The following CDH12 variants were observed in gnomAD, a reference collection of about 807,000 sequenced individuals.
CDH12 encodes the protein cadherin-12.
In CDH12, 41 loss-of-function variants were observed where a neutral mutation model predicts 74.1. That is an observed-to-expected ratio of 0.55 (90% confidence interval 0.43 to 0.72). The LOEUF is 0.72. Among genes scored for constraint, CDH12 ranks in the 30% least tolerant of loss-of-function variants. The pLI, the probability that CDH12 is intolerant of heterozygous loss-of-function variation, is 0.00. For missense variants in CDH12, 945 were observed against 977.2 expected (o/e 0.97, Z 0.44); for synonymous variants, 399 against 355.0 (o/e 1.12, Z -1.39).
At chr5:22,360,582 C>T (rs775976557) in intron 3 of CDH12, among the ~76,000 whole-genome samples, 12 of 151,986 alleles carry the variant, frequency 7.9e-5, no homozygotes, top group South Asian at 2.1e-4. Context: ...CATTTTATGA[C>T]GCCAGCATCA....
At position 22,028,779 on chromosome 5, in the gene CDH12, A is replaced by G. The variant is rs188181489; in HGVS notation, c.231+49667T>C. Among the ~76,000 whole-genome samples, 132 of 152,302 alleles carry G rather than the reference A, an allele frequency of 8.7e-4. No individual in the cohort carries two copies. In the East Asian group the frequency reaches 0.018, roughly 21 times the overall value. ...AAAACTACTTTAAAGTTCATATGGA[A>G]CCAAAAAAGAGCCCGCATCATCAAG... On this transcript the variant is annotated intron_variant, in intron 5 of 14. Transcript: ENST00000382254.
chr5:22,851,019 T>C (rs1737530353), intron 1 of CDH12, among the ~76,000 whole-genome samples: 1 of 152,102 alleles, frequency 6.6e-6, no homozygotes, highest in Non-Finnish European at 1.5e-5. Context: ...CAAAAGATGC[T>C]CAATTTAAGG....
At chr5:22,220,218 G>T (rs1036685971) in intron 3 of CDH12, among the ~76,000 whole-genome samples, 1 of 151,690 alleles carries the variant, frequency 6.6e-6, no homozygotes, top group Non-Finnish European at 1.5e-5. Context: ...TTGTACATGC[G>T]TATGTGTGTG....
intron 1 of CDH12, among the ~76,000 whole-genome samples, chr5:22,725,156 C>T (rs1369893561): frequency 6.6e-6 from 1 of 151,856 alleles, no homozygotes; most frequent in Non-Finnish European, 1.5e-5. Flanking sequence ...TATGACATCA[C>T]ACCTAAATTC....
intron 1 of CDH12, among the ~76,000 whole-genome samples, chr5:22,572,814 G>T (rs1739605152): frequency 6.6e-6 from 1 of 152,074 alleles, no homozygotes; most frequent in South Asian, 2.1e-4. Context: ...TCTATTAAAA[G>T]CACCTTTAGA....
intron 2 of CDH12, among the ~76,000 whole-genome samples, chr5:22,456,696 T>C (rs1745290244): frequency 6.6e-6 from 1 of 152,172 alleles, no homozygotes; most frequent in Non-Finnish European, 1.5e-5. Context: ...TATAATGATA[T>C]TCATAATATA....
At chr5:21,941,478 T>C (rs1755326540) in intron 6 of CDH12, among the ~76,000 whole-genome samples, 1 of 151,956 alleles carries the variant, frequency 6.6e-6, no homozygotes, top group Non-Finnish European at 1.5e-5. Context: ...ATAAATAATT[T>C]GTCAATTTAT....
At chr5:21,982,819 C>T (rs964298712) in intron 5 of CDH12, among the ~76,000 whole-genome samples, 1 of 151,516 alleles carries the variant, frequency 6.6e-6, no homozygotes, top group African/African-American at 2.4e-5. Flanking sequence ...GTTTTATTAC[C>T]AAATAATTTG....
intron 2 of CDH12, among the ~76,000 whole-genome samples, chr5:22,461,302 G>A (rs181088353): frequency 1.2e-3 from 175 of 151,806 alleles, no homozygotes; most frequent in Middle Eastern, 0.01. Flanking sequence ...GGGATTGCAG[G>A]CCTGAGGCAC....
chr5:22,328,818 A>G (rs1016246680), intron 3 of CDH12, among the ~76,000 whole-genome samples: 2 of 152,212 alleles, frequency 1.3e-5, no homozygotes, highest in Non-Finnish European at 2.9e-5. Flanking sequence ...CAGATCTGTC[A>G]TGGGCTTTTA....
chr5:21,783,317 G>C, intron 11 of CDH12, 41 bp downstream of exon 11: 3 of 1,571,450 alleles, frequency 1.9e-6, no homozygotes, highest in South Asian at 2.3e-5. Flanking sequence ...TAAATCCAAA[G>C]AACTGCAGTA....
chr5:22,608,676 G>T (rs1434235492), intron 1 of CDH12, among the ~76,000 whole-genome samples: 1 of 152,166 alleles, frequency 6.6e-6, no homozygotes, highest in Admixed American at 6.6e-5. Flanking sequence ...ATTCCCATGT[G>T]TCATGGGTGG....
chr5:22,604,798 C>G (rs552531461), intron 1 of CDH12, among the ~76,000 whole-genome samples: 2 of 152,248 alleles, frequency 1.3e-5, no homozygotes, highest in East Asian at 3.9e-4. Flanking sequence ...AGAAGGCACA[C>G]TTTGGGCTCT....
chr5:22,077,546 A>T (rs1742413478), intron 5 of CDH12, among the ~76,000 whole-genome samples: 1 of 152,110 alleles, frequency 6.6e-6, no homozygotes, highest in Non-Finnish European at 1.5e-5. Context: ...CTCAAGCATC[A>T]ATTTTTCTTT....
chr5:21,991,511 ATGTT>A (rs1012436508), intron 5 of CDH12, among the ~76,000 whole-genome samples: 8 of 2,816 alleles, frequency 2.8e-3, no homozygotes, highest in Non-Finnish European at 5.3e-3. Context: ...TTATATATAT[ATGTT>A]TGTTATATAT....
intron 4 of CDH12, among the ~76,000 whole-genome samples, chr5:22,112,606 C>T (rs1744878558): frequency 6.6e-6 from 1 of 151,800 alleles, no homozygotes; most frequent in East Asian, 1.9e-4. Flanking sequence ...TTTTTCCCCT[C>T]AACTCTTAAT....
intron 1 of CDH12, among the ~76,000 whole-genome samples, chr5:22,845,650 T>G (rs765941763): frequency 5.3e-5 from 8 of 152,126 alleles, no homozygotes; most frequent in Non-Finnish European, 1.0e-4. Context: ...CAGACAATTG[T>G]TAGAGAACAT....
intron 2 of CDH12, among the ~76,000 whole-genome samples, chr5:22,498,097 C>T (rs1011916904): frequency 7.2e-5 from 11 of 152,116 alleles, no homozygotes; most frequent in African/African-American, 2.7e-4. Flanking sequence ...TCAAGCTTTG[C>T]TCCCATATCT....
intron 3 of CDH12, among the ~76,000 whole-genome samples, chr5:22,348,228 C>T (rs1056027908): frequency 6.6e-5 from 10 of 152,144 alleles, no homozygotes; most frequent in East Asian, 1.9e-4. Flanking sequence ...CTGAGATAAC[C>T]GTTAGAGCTT....
Sources: gnomAD v4.1 joint callset for allele counts (sites outside exome capture counted in the v4.1 genomes callset) on GRCh38, gnomAD v4.1.1 for gene constraint, MANE v1.5 for transcripts, NCBI Gene and HGNC (gene_info 2026-07-23, HGNC 2026-07-21) for gene names.